The following DNM1 variants were observed in gnomAD, a reference collection of about 807,000 sequenced individuals.
DNM1 encodes the protein dynamin 1.
DNM1 carries 29 observed loss-of-function variants against 104.6 expected under a neutral mutation model. The observed-to-expected ratio is 0.28, with a 90% CI of 0.21 to 0.38. The LOEUF (loss-of-function observed/expected upper bound fraction) is 0.38. Among genes scored for constraint, DNM1 ranks in the 10% least tolerant of loss-of-function variants. The pLI, the probability that DNM1 is intolerant of heterozygous loss-of-function variation, is 1.00. For missense variants in DNM1, 640 were observed against 1,189.4 expected (o/e 0.54, Z 6.79); for synonymous variants, 445 against 475.8 (o/e 0.94, Z 0.84).
At chr9:128,246,050 C>G (rs933195335) in intron 15 of DNM1, among the ~76,000 whole-genome samples, 3 of 152,184 alleles carry the variant, frequency 2.0e-5, no homozygotes, top group Non-Finnish European at 2.9e-5. Flanking sequence ...GCGGCCAGGC[C>G]GGGGGTGAGA....
In DNM1 at chr9:128,255,188, C is replaced by T. The variant is rs1370294605; in HGVS notation, c.*474C>T. Reference sequence around the variant, plus strand: ...AGGCAGCCGTGTGGCCTGACAGTTTCTACCAGTCCTGCTGTCCCTCGGCTG... The same window carrying T: ...AGGCAGCCGTGTGGCCTGACAGTTTTTACCAGTCCTGCTGTCCCTCGGCTG... On this transcript the variant is annotated 3_prime_UTR_variant, in exon 22 of 22. Transcript: ENST00000372923. The T allele has an allele frequency of 1.2e-5, 2 of 160,288 alleles. No individual in the cohort carries two copies. The highest frequency in any genetic ancestry group is 4.8e-5 in the African/African-American group (2 of 41,504). 9.9% of individuals were successfully genotyped at this position (160,288 alleles called of 1,614,324 possible).
intron 11 of DNM1, among the ~76,000 whole-genome samples, chr9:128,235,818 G>A (rs940028607): frequency 6.6e-6 from 1 of 152,116 alleles, no homozygotes; most frequent in East Asian, 1.9e-4. Flanking sequence ...AGGCTCAAGC[G>A]ATCCTCCGAC....
intron 11 of DNM1, among the ~76,000 whole-genome samples, chr9:128,234,518 C>T (rs1031091213): frequency 2.6e-5 from 4 of 152,066 alleles, no homozygotes; most frequent in Non-Finnish European, 4.4e-5. Context: ...TGGGAGGTGG[C>T]GTGCGCCACC....
Position 128,243,162 on chromosome 9 carries a change from C to T in DNM1, c.1671+817C>T, listed in dbSNP as rs944182922. Among the ~76,000 whole-genome samples, 3 of 152,300 alleles carry T rather than the reference C, an allele frequency of 2.0e-5. No homozygotes were observed. Among genetic ancestry groups the T allele is most frequent in the Admixed American group, 6.5e-5 (1 of 15,312 alleles). On this transcript the variant is annotated intron_variant, in intron 15 of 21. Coordinates refer to ENST00000372923, the MANE Select transcript of DNM1 (RefSeq NM_004408.4). The surrounding 1 kb of genome is among the most constrained non-coding windows in gnomAD (Gnocchi z 4.0). ...CCTGCCGAGGTGCCACAAAAAACCC[C>T]TCCCCGCCCACTAGGGTGCACAGAA...
At position 128,248,222 on chromosome 9, in the gene DNM1, G is replaced by A; in HGVS notation, c.1905+287G>A. On this transcript the variant is annotated intron_variant, in intron 18 of 21. Coordinates refer to ENST00000372923, the MANE Select transcript of DNM1 (RefSeq NM_004408.4). The surrounding 1 kb of genome is among the most constrained non-coding windows in gnomAD (Gnocchi z 5.6). ...CGCGCCTGTAATCCCAGCTACTCAG[G>A]AGGCTGAGGCAGGAGAATCGCTTGA... is the stretch of plus-strand genomic sequence containing the variant. 1 of 519,028 alleles carries A rather than the reference G, an allele frequency of 1.9e-6. No homozygotes were observed. Among genetic ancestry groups the A allele is most frequent in the South Asian group, 2.1e-5 (1 of 47,666 alleles). The allele number at this position is 519,028 out of a possible 1,614,324, so 32.2% of individuals were successfully genotyped here.
Position 128,242,315 on chromosome 9 carries a change from T to C in DNM1, c.1641T>C (p.Ala547=). The part of the protein sequence containing the change: ...GSKEYWFVLT[A]ENLSWYKDDE... Reference sequence around the variant, plus strand: ...AGGAGTACTGGTTTGTGCTGACTGCTGAGAATCTGTCCTGGTACAAGGATG... The same window carrying C: ...AGGAGTACTGGTTTGTGCTGACTGCCGAGAATCTGTCCTGGTACAAGGATG... The change falls in exon 15 of 22, where the codon GCT becomes GCC. Residue 547 remains alanine, a synonymous_variant. Coordinates refer to ENST00000372923, the MANE Select transcript of DNM1 (RefSeq NM_004408.4). 1 of 1,608,732 alleles carries C rather than the reference T, an allele frequency of 6.2e-7. No homozygotes were observed.
chr9:128,223,948 C>A (rs1165337793), intron 9 of DNM1: 1 of 193,860 alleles, frequency 5.2e-6, no homozygotes, highest in Non-Finnish European at 1.1e-5. Flanking sequence ...ACTTGGGAGG[C>A]TGAGGCAGGA....
intron 15 of DNM1, chr9:128,244,945 G>C (rs776488161): frequency 3.2e-6 from 1 of 317,116 alleles, no homozygotes; most frequent in Non-Finnish European, 6.8e-6. Flanking sequence ...CAGCCAGCCC[G>C]TGGTCCCCTC....
rs140227827 is a variant in DNM1, at chr9:128,224,804, G to A, written c.1335+415G>A. Reference sequence around the variant, plus strand: ...TGCAGGGCCTTCTCGGGCACTGCTCGGTGGGCCTGGGTGGCCAGAGGGGGT... The same window carrying A: ...TGCAGGGCCTTCTCGGGCACTGCTCAGTGGGCCTGGGTGGCCAGAGGGGGT... On this transcript the variant is annotated intron_variant, in intron 10 of 21. Coordinates refer to ENST00000372923, the MANE Select transcript of DNM1 (RefSeq NM_004408.4). The surrounding 1 kb of genome is among the most constrained non-coding windows in gnomAD (Gnocchi z 4.3). Among the ~76,000 whole-genome samples the A allele has an allele frequency of 1.0e-3, 156 of 152,280 alleles. No homozygotes were observed. Among genetic ancestry groups the A allele is most frequent in the African/African-American group, 3.5e-3 (146 of 41,550 alleles).
At chr9:128,226,024 C>T (rs1194999498) in intron 10 of DNM1, 1 of 1,612,286 alleles carries the variant, frequency 6.2e-7, no homozygotes, top group African/African-American at 1.3e-5. Flanking sequence ...CCACCTCCTC[C>T]CCGGGTGCAG....
Position 128,218,770 on chromosome 9 carries a change from T to C in DNM1, c.385+39T>C. On this transcript the variant is annotated intron_variant, in intron 3 of 21. Transcript: ENST00000372923. This position sits in a 1 kb window ranked among gnomAD's most constrained non-coding sequence, Gnocchi z 4.8. Reference sequence around the variant, plus strand: ...CCCCGCCCTAACCTCTAAGAATCATTTTCTTGGCCACGCACCTCTGCGTGC... The same window carrying C: ...CCCCGCCCTAACCTCTAAGAATCATCTTCTTGGCCACGCACCTCTGCGTGC... 1 of 1,558,340 alleles carries C rather than the reference T, an allele frequency of 6.4e-7. No homozygotes were observed. Among genetic ancestry groups the C allele is most frequent in the Non-Finnish European group, 8.7e-7 (1 of 1,149,628 alleles).
Position 128,250,120 on chromosome 9 carries a change from G to A in DNM1, c.2082G>A (p.Lys694=), listed in dbSNP as rs1284689897. The change falls in exon 20 of 22, where the codon AAG becomes AAA. Residue 694 remains lysine (K), a synonymous_variant. Transcript: ENST00000372923. ...TIMHLMINNT[K]EFIFSELLAN... Reference sequence around the variant, plus strand: ...CCCTCTTTGCCTACTCGCAGACCAAGGAGTTCATCTTCTCGGAGCTGCTGG... The same window carrying A: ...CCCTCTTTGCCTACTCGCAGACCAAAGAGTTCATCTTCTCGGAGCTGCTGG... The A allele has an allele frequency of 1.2e-6, 2 of 1,614,134 alleles. No homozygotes were observed. Among genetic ancestry groups the A allele is most frequent in the South Asian group, 2.2e-5 (2 of 91,074 alleles).
At position 128,219,182 on chromosome 9, in the gene DNM1, C is replaced by T. The variant is rs2131152966; in HGVS notation, c.519C>T (p.Ala173=). The change falls in exon 4 of 22, where the codon GCC becomes GCT. Residue 173 remains alanine, a synonymous_variant. Coordinates refer to ENST00000372923, the MANE Select transcript of DNM1 (RefSeq NM_004408.4). ...CCAAGGAGAACTGCCTCATCCTGGC[C>T]GTGTCCCCCGCCAACTCTGACCTGG... ...FVTKENCLIL[A]VSPANSDLAN... is the part of the protein sequence containing the mutation. 1 of 1,614,182 alleles carries T rather than the reference C, an allele frequency of 6.2e-7. No individual in the cohort carries two copies. The highest frequency in any genetic ancestry group is 8.5e-7 in the Non-Finnish European group (1 of 1,180,048).
At position 128,222,325 on chromosome 9, in the gene DNM1, C is replaced by A. The variant is rs1390256680; in HGVS notation, c.978C>A (p.Thr326=). The part of the protein sequence containing the change: ...NFRPDDPARK[T]KALLQMVQQF... Reference sequence around the variant, plus strand: ...GCCCTGATGACCCAGCTCGCAAGACCAAGGCCCTGCTGCAGTGAGGCTCCC... The same window carrying A: ...GCCCTGATGACCCAGCTCGCAAGACAAAGGCCCTGCTGCAGTGAGGCTCCC... Residue 326 remains threonine, a synonymous_variant, in exon 7 of 22, where the codon ACC becomes ACA. Transcript: ENST00000372923. The surrounding 1 kb of genome is among the most constrained non-coding windows in gnomAD (Gnocchi z 7.8). 8 of 1,613,336 alleles carry A rather than the reference C, an allele frequency of 5.0e-6. No individual in the cohort carries two copies. Among genetic ancestry groups the A allele is most frequent in the Non-Finnish European group, 6.8e-6 (8 of 1,179,604 alleles).
chr9:128,230,456 A>G (rs1362489101), intron 10 of DNM1, among the ~76,000 whole-genome samples: 1 of 140,934 alleles, frequency 7.1e-6, no homozygotes, highest in Non-Finnish European at 1.5e-5. Flanking sequence ...TATTATTACT[A>G]TTTTTTTTTT....
chr9:128,222,720 G>C lies in DNM1; in HGVS notation c.1129-73G>C. The C allele has an allele frequency of 1.2e-6, 2 of 1,604,918 alleles. No homozygotes were observed. Among genetic ancestry groups the C allele is most frequent in the South Asian group, 1.1e-5 (1 of 90,472 alleles). On this transcript the variant is annotated intron_variant, in intron 8 of 21. Coordinates refer to ENST00000372923, the MANE Select transcript of DNM1 (RefSeq NM_004408.4). The surrounding 1 kb of genome is among the most constrained non-coding windows in gnomAD (Gnocchi z 7.8). ...GCCCTGATGCCCAGCCCTAGGTGTG[G>C]GGTGGGCCCTGTCTTGACCTCCCAG... is the stretch of plus-strand genomic sequence containing the variant.
At position 128,253,119 on chromosome 9, in the gene DNM1, C is replaced by T; in HGVS notation, c.2535-1535C>T. On this transcript the variant is annotated intron_variant, in intron 21 of 21. Coordinates refer to ENST00000372923, the MANE Select transcript of DNM1 (RefSeq NM_004408.4). This position sits in a 1 kb window ranked among gnomAD's most constrained non-coding sequence, Gnocchi z 5.9. Reference sequence around the variant, plus strand: ...CTTTCAGAATCACTATCAGTGACCCCTGAGGAGCGTCAGCCATGGTAGGTA... The same window carrying T: ...CTTTCAGAATCACTATCAGTGACCCTTGAGGAGCGTCAGCCATGGTAGGTA... 6.2e-7 allele frequency: 1 copy of T among 1,608,804 alleles called. No homozygotes were observed. The highest frequency in any genetic ancestry group is 1.7e-5 in the Admixed American group (1 of 60,018).
chr9:128,238,411 A>T (rs1269763676), intron 11 of DNM1, among the ~76,000 whole-genome samples: 3 of 151,876 alleles, frequency 2.0e-5, no homozygotes, highest in Admixed American at 2.0e-4. Context: ...TTTAGTAGAG[A>T]CGGGATTTCT....
chr9:128,205,888 C>A (rs774968781), intron 1 of DNM1, among the ~76,000 whole-genome samples: 15 of 152,146 alleles, frequency 9.9e-5, no homozygotes, highest in Non-Finnish European at 1.9e-4. Flanking sequence ...GGCCTGGGCC[C>A]TCTGGCTGCC....
Sources: gnomAD v4.1 joint callset for allele counts (sites outside exome capture counted in the v4.1 genomes callset) on GRCh38, gnomAD v4.1.1 for gene constraint, Gnocchi (gnomAD v3.1) non-coding constraint, MANE v1.5 for transcripts, NCBI Gene and HGNC (gene_info 2026-07-23, HGNC 2026-07-21) for gene names.